Variants in FSTL5 observed in about 807,000 individuals in gnomAD.
FSTL5 encodes the protein follistatin like 5.
Under a neutral mutation model 89.1 loss-of-function variants are expected in FSTL5, and 62 were observed. The observed-to-expected ratio is 0.70, with a 90% CI of 0.57 to 0.86. The LOEUF (loss-of-function observed/expected upper bound fraction) is 0.86. FSTL5 is among the 40% of genes least tolerant of loss of function. The pLI, the probability that FSTL5 is intolerant of heterozygous loss-of-function variation, is 0.00. For missense variants in FSTL5, 1,057 were observed against 1,001.6 expected (o/e 1.06, Z -0.75); for synonymous variants, 383 against 346.2 (o/e 1.11, Z -1.18).
chr4:161,399,297 C>CTT (rs1410713023), intron 15 of FSTL5, among the ~76,000 whole-genome samples: 1 of 152,076 alleles, frequency 6.6e-6, no homozygotes, highest in African/African-American at 2.4e-5. Flanking sequence ...TACTGCTGAC[C>CTT]TGAAGCCTTA....
chr4:161,985,952 G>A (rs555455543), intron 3 of FSTL5, among the ~76,000 whole-genome samples: 1 of 152,190 alleles, frequency 6.6e-6, no homozygotes, highest in East Asian at 1.9e-4. Context: ...ACATAATCAT[G>A]TGTAACTGTC....
intron 5 of FSTL5, among the ~76,000 whole-genome samples, chr4:161,769,898 A>G (rs1029934995): frequency 6.6e-6 from 1 of 151,482 alleles, no homozygotes; most frequent in Non-Finnish European, 1.5e-5. Flanking sequence ...TTATATTTGA[A>G]AAAAAAAACC....
At chr4:162,005,320 G>A (rs777807011) in intron 3 of FSTL5, among the ~76,000 whole-genome samples, 3 of 152,106 alleles carry the variant, frequency 2.0e-5, no homozygotes, top group Non-Finnish European at 4.4e-5. Context: ...TGTTCCCATA[G>A]CACCCTCTGC....
Position 162,113,592 on chromosome 4 carries a change from C to T in FSTL5, c.-16-2180G>A, listed in dbSNP as rs543429021. Among the ~76,000 whole-genome samples, 3 of 152,282 alleles carry T rather than the reference C, an allele frequency of 2.0e-5. No individual in the cohort carries two copies. In the East Asian group the frequency reaches 5.8e-4, roughly 29 times the overall value. ...ATCCCTGACCTAGCTGACAAGTTCC[C>T]AGTGTCTGAGCTCTATGTGTTTCTC... On this transcript the variant is annotated intron_variant, in intron 1 of 15. Transcript: ENST00000306100.
At chr4:162,047,979 T>G (rs1738250744) in intron 2 of FSTL5, among the ~76,000 whole-genome samples, 3 of 152,106 alleles carry the variant, frequency 2.0e-5, no homozygotes. Flanking sequence ...TCAGCCTAAT[T>G]TTAACCAAAA....
At chr4:161,630,199 C>T (rs773437453) in intron 7 of FSTL5, among the ~76,000 whole-genome samples, 58 of 152,206 alleles carry the variant, frequency 3.8e-4, no homozygotes, top group Admixed American at 9.2e-4. Context: ...AGTGAGGTGA[C>T]TCACCATGTT....
chr4:161,499,886 T>G, intron 12 of FSTL5, 130 bp downstream of exon 12: 1 of 634,684 alleles, frequency 1.6e-6, no homozygotes, highest in East Asian at 2.9e-5. Context: ...TAACACCGAA[T>G]ATCATGGGTT....
At chr4:161,691,117 T>A (rs1245836700) in intron 6 of FSTL5, among the ~76,000 whole-genome samples, 1 of 152,152 alleles carries the variant, frequency 6.6e-6, no homozygotes, top group Non-Finnish European at 1.5e-5. Context: ...AATAATACAT[T>A]GTGAAATTTA....
At chr4:162,057,872 A>G (rs1416645945) in intron 2 of FSTL5, among the ~76,000 whole-genome samples, 1 of 152,128 alleles carries the variant, frequency 6.6e-6, no homozygotes, top group Non-Finnish European at 1.5e-5. Context: ...TGAATCTGGG[A>G]GACGGAGGTT....
chr4:161,696,939 G>A (rs535896745), intron 6 of FSTL5, among the ~76,000 whole-genome samples: 3 of 152,252 alleles, frequency 2.0e-5, no homozygotes, highest in East Asian at 3.9e-4. Context: ...GATGCCCTTT[G>A]TTTCTTTCTC....
intron 8 of FSTL5, among the ~76,000 whole-genome samples, chr4:161,549,319 A>G (rs1436136671): frequency 6.6e-6 from 1 of 151,796 alleles, no homozygotes; most frequent in South Asian, 2.1e-4. Flanking sequence ...ATAAAAATAA[A>G]GAGTTGTATA....
At chr4:161,588,053 A>G (rs1284295294) in intron 7 of FSTL5, among the ~76,000 whole-genome samples, 1 of 152,176 alleles carries the variant, frequency 6.6e-6, no homozygotes, top group Non-Finnish European at 1.5e-5. Flanking sequence ...ACACACCTGT[A>G]GTCCCAGTTA....
intron 15 of FSTL5, among the ~76,000 whole-genome samples, chr4:161,424,129 G>A (rs1043036115): frequency 2.7e-5 from 4 of 147,404 alleles, no homozygotes; most frequent in South Asian, 2.1e-4. Flanking sequence ...CGCCCGCCTC[G>A]GCCTCCCAAA....
chr4:161,657,156 C>A (rs536832491), intron 6 of FSTL5, among the ~76,000 whole-genome samples: 1 of 152,282 alleles, frequency 6.6e-6, no homozygotes, highest in South Asian at 2.1e-4. Flanking sequence ...CTGTCTATTG[C>A]TGGACAACAT....
chr4:162,093,882 T>C (rs4691814), intron 2 of FSTL5, among the ~76,000 whole-genome samples: 115,768 of 152,006 alleles, frequency 0.76, 44,960 homozygotes, highest in Non-Finnish European at 0.84. Flanking sequence ...AATATTAGTA[T>C]TTTTTCACTT....
At chr4:161,610,703 C>A (rs930458600) in intron 7 of FSTL5, among the ~76,000 whole-genome samples, 2 of 152,106 alleles carry the variant, frequency 1.3e-5, no homozygotes, top group Non-Finnish European at 2.9e-5. Flanking sequence ...CTGCAAATTT[C>A]TTTCTTGAAA....
chr4:162,150,654 A>G (rs1733191191), intron 1 of FSTL5, among the ~76,000 whole-genome samples: 1 of 152,194 alleles, frequency 6.6e-6, no homozygotes, highest in East Asian at 1.9e-4. Context: ...TTTACTCAAC[A>G]AAATCATGGC....
At chr4:161,503,091 G>A (rs147685747) in intron 11 of FSTL5, among the ~76,000 whole-genome samples, 105 of 151,658 alleles carry the variant, frequency 6.9e-4, no homozygotes, top group African/African-American at 2.3e-3. Flanking sequence ...CTCTTTTACC[G>A]TGAGAATGTT....
chr4:161,691,011 C>T (rs759126498), intron 6 of FSTL5, among the ~76,000 whole-genome samples: 21 of 152,206 alleles, frequency 1.4e-4, no homozygotes, highest in East Asian at 7.7e-4. Flanking sequence ...CATAGTATTC[C>T]GTGGTGTTTA....
Sources: allele counts gnomAD v4.1 joint callset (sites outside exome capture counted in the v4.1 genomes callset), GRCh38; gene constraint gnomAD v4.1.1; transcripts MANE v1.5; gene names NCBI Gene and HGNC (gene_info 2026-07-23, HGNC 2026-07-21).